RGS7: variants seen among roughly 807,000 people sequenced by gnomAD.
RGS7 encodes regulator of G protein signaling 7.
Under a neutral mutation model 81.1 loss-of-function variants are expected in RGS7, and 27 were observed. That is an observed-to-expected ratio of 0.33 (90% CI 0.25 to 0.46). The LOEUF is 0.46. RGS7 is among the 20% of genes least tolerant of loss of function. RGS7 has a pLI of 1.00. For synonymous variants in RGS7, 208 were observed against 207.7 expected, an observed-to-expected ratio of 1.00 and a Z score of -0.01; for missense variants, 396 against 607.4, an observed-to-expected ratio of 0.65 and a Z score of 3.66.
rs76172670 is a variant in RGS7 at position 241,022,136 on chromosome 1, A to G, written c.176-39007T>C. The stretch of plus-strand genomic sequence containing the variant: ...ATTCAAAACCTCATTATTCCTTATA[A>G]TAGCCCTATTAGGTAGGCCTTTTCA... On this transcript the variant is annotated intron_variant, in intron 3 of 18. Transcript: ENST00000440928. Among the ~76,000 whole-genome samples the G allele has an allele frequency of 5.0e-3, 756 of 152,346 alleles. 6 individuals carry two copies. Among genetic ancestry groups the G allele is most frequent in the African/African-American group, 0.017 (713 of 41,578 alleles).
intron 2 of RGS7, among the ~76,000 whole-genome samples, chr1:241,297,420 G>A (rs1043797275): frequency 6.6e-6 from 1 of 152,200 alleles, no homozygotes; most frequent in Admixed American, 6.5e-5. Context: ...ATAATTAATT[G>A]GCTTTCTTTA....
At chr1:240,844,777 C>A (rs190305707) in intron 9 of RGS7, among the ~76,000 whole-genome samples, 1 of 152,244 alleles carries the variant, frequency 6.6e-6, no homozygotes, top group African/African-American at 2.4e-5. Flanking sequence ...ATTTTCAGAG[C>A]ACAAAAGAAA....
At chr1:241,347,791 A>G (rs1464273970) in intron 2 of RGS7, among the ~76,000 whole-genome samples, 1 of 152,190 alleles carries the variant, frequency 6.6e-6, no homozygotes, top group African/African-American at 2.4e-5. Context: ...AAAAAGAGAA[A>G]AAAAGTCATA....
At chr1:241,279,472 T>C (rs1375393616) in intron 2 of RGS7, among the ~76,000 whole-genome samples, 1 of 152,226 alleles carries the variant, frequency 6.6e-6, no homozygotes, top group African/African-American at 2.4e-5. Context: ...CATGTACCTA[T>C]GTCCTATATA....
Position 241,040,362 on chromosome 1 carries a change from GGT to G in RGS7, c.176-57235_176-57234del, listed in dbSNP as rs568139443. ...ATATATTTGACATACATAGGCATCG[GGT>G]GTTTAATGAACAGCTTTTTCTGCTA... On this transcript the variant is annotated intron_variant, in intron 3 of 18. Transcript: ENST00000440928. Among the ~76,000 whole-genome samples the G allele has an allele frequency of 9.6e-3, 1,460 of 152,200 alleles. 29 individuals are homozygous for G. The highest frequency in any genetic ancestry group is 0.034 in the African/African-American group (1,419 of 41,508).
intron 2 of RGS7, among the ~76,000 whole-genome samples, chr1:241,207,263 T>C (rs781151200): frequency 2.2e-4 from 33 of 151,468 alleles, no homozygotes; most frequent in Non-Finnish European, 4.6e-4. Context: ...TCTCTCTCTT[T>C]CTTTCCCCTT....
chr1:241,041,246 A>T (rs982853339), intron 3 of RGS7, among the ~76,000 whole-genome samples: 4 of 152,186 alleles, frequency 2.6e-5, no homozygotes, highest in African/African-American at 9.7e-5. Flanking sequence ...CCACCACAAC[A>T]TATTACTGGA....
chr1:240,777,388 T>G (rs549688089), intron 18 of RGS7, among the ~76,000 whole-genome samples: 1 of 152,380 alleles, frequency 6.6e-6, no homozygotes, highest in Middle Eastern at 3.4e-3. Flanking sequence ...GTGGGCCAGT[T>G]ATTTAATGAA....
chr1:240,896,954 T>C lies in RGS7; in HGVS notation c.386-26835A>G, dbSNP rs190626640. 1.1e-3 allele frequency among the ~76,000 whole-genome samples: 165 copies of C among 152,336 alleles called. 1 individual carries two copies. Among genetic ancestry groups the C allele is most frequent in the African/African-American group, 3.6e-3 (150 of 41,576 alleles). ...TTCCATTTGTTTGTGTCTTCTTTTA[T>C]TTCGTTGAGCAGTGGTTTGTAGTTC... is the stretch of plus-strand genomic sequence containing the variant. On this transcript the variant is annotated intron_variant, in intron 6 of 18. Coordinates refer to ENST00000440928, the MANE Select transcript of RGS7 (RefSeq NM_001364886.1).
At chr1:240,919,063 T>G (rs1362302132) in intron 6 of RGS7, among the ~76,000 whole-genome samples, 1 of 152,154 alleles carries the variant, frequency 6.6e-6, no homozygotes, top group South Asian at 2.1e-4. Context: ...AATAGGCTTA[T>G]ACTTATTGAA....
Position 240,825,705 on chromosome 1 carries a change from G to A in RGS7, c.684+1393C>T, listed in dbSNP as rs141302475. Reference sequence around the variant, plus strand: ...CATGGGCTTTTCATCATTAAATGAGGGCTGATGGTATGTAAAGAACGACAT... The same window carrying A: ...CATGGGCTTTTCATCATTAAATGAGAGCTGATGGTATGTAAAGAACGACAT... On this transcript the variant is annotated intron_variant, in intron 10 of 18. Transcript: ENST00000440928. Among the ~76,000 whole-genome samples the A allele has an allele frequency of 1.5e-4, 23 of 152,234 alleles. No homozygotes were observed. In the East Asian group the frequency reaches 4.3e-3, roughly 28 times the overall value.
At chr1:240,952,403 A>G (rs1679713372) in intron 4 of RGS7, among the ~76,000 whole-genome samples, 1 of 152,078 alleles carries the variant, frequency 6.6e-6, no homozygotes, top group Non-Finnish European at 1.5e-5. Context: ...CCTTCATGGT[A>G]TATGAAACAG....
At chr1:241,131,928 A>C (rs2067128009) in intron 2 of RGS7, among the ~76,000 whole-genome samples, 1 of 152,232 alleles carries the variant, frequency 6.6e-6, no homozygotes, top group Non-Finnish European at 1.5e-5. Flanking sequence ...CACATTACAC[A>C]TCCCGTTAAG....
At chr1:241,347,321 T>C (rs995504150) in intron 2 of RGS7, among the ~76,000 whole-genome samples, 6 of 152,140 alleles carry the variant, frequency 3.9e-5, no homozygotes, top group East Asian at 3.9e-4. Flanking sequence ...CAAGCTTGCA[T>C]AGCTACTCAG....
intron 3 of RGS7, among the ~76,000 whole-genome samples, chr1:241,036,176 C>T (rs2060315571): frequency 6.6e-6 from 1 of 152,104 alleles, no homozygotes; most frequent in Non-Finnish European, 1.5e-5. Flanking sequence ...GTATACAAAG[C>T]AAGAGTTTAG....
rs144657419 is a variant in RGS7, at chr1:241,229,494, G to A, written c.78+126205C>T. Among the ~76,000 whole-genome samples the A allele has an allele frequency of 1.6e-3, 239 of 152,252 alleles. 1 individual carries two copies. The highest frequency in any genetic ancestry group is 0.012 in the South Asian group (56 of 4,814). On this transcript the variant is annotated intron_variant, in intron 2 of 18. Coordinates refer to ENST00000440928, the MANE Select transcript of RGS7 (RefSeq NM_001364886.1). ...GACTTCCTCCACACTCCAGTCATCCGGTGCCATCTGTCTGTGGCCATGAAT... is the reference window on the plus strand; with the variant it reads ...GACTTCCTCCACACTCCAGTCATCCAGTGCCATCTGTCTGTGGCCATGAAT...
chr1:241,294,251 G>A (rs1198181666), intron 2 of RGS7, among the ~76,000 whole-genome samples: 1 of 151,866 alleles, frequency 6.6e-6, no homozygotes, highest in African/African-American at 2.4e-5. Flanking sequence ...GAGAACACAT[G>A]GACACAGGGA....
intron 3 of RGS7, among the ~76,000 whole-genome samples, chr1:241,052,796 CTT>C (rs540118274): frequency 2.1e-5 from 3 of 142,954 alleles, no homozygotes; most frequent in Non-Finnish European, 3.1e-5. Context: ...AGCGTGGATG[CTT>C]TTTTTTTTTG....
At chr1:241,059,784 T>TGTTCAAGGTGAACATCTA (rs59494450) in intron 3 of RGS7, among the ~76,000 whole-genome samples, 1 of 150,598 alleles carries the variant, frequency 6.6e-6, no homozygotes, top group African/African-American at 2.5e-5. Flanking sequence ...TGAACATCTA[T>TGTTCAAGGTGAACATCTA]TGGATAGCAC....
Sources: gnomAD v4.1 joint callset for allele counts (sites outside exome capture counted in the v4.1 genomes callset) on GRCh38, gnomAD v4.1.1 for gene constraint, MANE v1.5 for transcripts, NCBI Gene and HGNC (gene_info 2026-07-23, HGNC 2026-07-21) for gene names.